Variants in GALNT2 observed in about 807,000 individuals in gnomAD.
The protein encoded by GALNT2 is polypeptide N-acetylgalactosaminyltransferase 2.
A neutral mutation model predicts 81.4 loss-of-function variants in GALNT2; 31 were observed. That is an observed-to-expected ratio of 0.38 (90% CI 0.29 to 0.51). The LOEUF (loss-of-function observed/expected upper bound fraction) is 0.51. GALNT2 is among the 20% of genes least tolerant of loss of function. The pLI, the probability that GALNT2 is intolerant of heterozygous loss-of-function variation, is 0.87. For synonymous variants in GALNT2, 303 were observed against 287.4 expected (o/e 1.05, Z -0.55); for missense variants, 629 against 765.7 (o/e 0.82, Z 2.11).
intron 1 of GALNT2, among the ~76,000 whole-genome samples, chr1:230,113,275 GGTGA>G (rs1321763103): frequency 2.0e-5 from 3 of 152,072 alleles, no homozygotes; most frequent in Admixed American, 2.0e-4. Flanking sequence ...GCTGAAAAAG[GGTGA>G]GTTTTGTTCT....
At chr1:230,252,096 C>T (rs775158157) in intron 10 of GALNT2, among the ~76,000 whole-genome samples, 2 of 152,168 alleles carry the variant, frequency 1.3e-5, no homozygotes, top group African/African-American at 2.4e-5. Flanking sequence ...ATGCCAAGGA[C>T]TTGGACTCCC....
chr1:230,145,004 A>G (rs569889861), intron 1 of GALNT2, among the ~76,000 whole-genome samples: 1 of 152,196 alleles, frequency 6.6e-6, no homozygotes, highest in Non-Finnish European at 1.5e-5. Context: ...GTAACCTACA[A>G]ACCAAGCAAG....
chr1:230,200,058 TTTTC>T (rs1277696519), intron 2 of GALNT2, among the ~76,000 whole-genome samples: 1 of 125,884 alleles, frequency 7.9e-6, no homozygotes, highest in African/African-American at 3.3e-5. Flanking sequence ...TAATTCTTTT[TTTTC>T]TTTTTTTTTT....
chr1:230,189,415 T>A (rs1378823252), intron 2 of GALNT2, among the ~76,000 whole-genome samples: 1 of 152,128 alleles, frequency 6.6e-6, no homozygotes, highest in South Asian at 2.1e-4. Context: ...ATGAATGAAA[T>A]GGGAATGATG....
rs566194270 is a variant in GALNT2, at chr1:230,279,822, G to A, written c.*364G>A. On this transcript the variant is annotated 3_prime_UTR_variant, in exon 16 of 16. Transcript: ENST00000366672. This position sits in a 1 kb window ranked among gnomAD's most constrained non-coding sequence, Gnocchi z 4.6. ...GATGCGTGCGAGCTGAGGACAGGGC[G>A]GGAGGAGGGGGCACACATGCCCCAG... is the stretch of plus-strand genomic sequence containing the variant. 3.6e-4 allele frequency: 172 copies of A among 480,230 alleles called. No individual in the cohort carries two copies. The highest frequency in any genetic ancestry group is 2.8e-3 in the African/African-American group (142 of 51,250). The allele number at this position is 480,230 out of a possible 1,614,324, so 29.7% of individuals were successfully genotyped here. A position where few individuals can be genotyped will look rare whatever the true frequency, so the allele number is the denominator to read the frequency against.
chr1:230,275,590 CATAT>C lies in GALNT2; in HGVS notation c.1560+1028_1560+1031del, dbSNP rs368845782. ...TACATATAAACACACCATATATATA[CATAT>C]AGATACATGCTACATTTATATAAAC... On this transcript the variant is annotated intron_variant, in intron 15 of 15. Coordinates refer to ENST00000366672, the MANE Select transcript of GALNT2 (RefSeq NM_004481.5). This position sits in a 1 kb window ranked among gnomAD's most constrained non-coding sequence, Gnocchi z 5.5. Among the ~76,000 whole-genome samples, 892 of 150,774 alleles carry C rather than the reference CATAT, an allele frequency of 5.9e-3. 16 individuals carry two copies. Among genetic ancestry groups the C allele is most frequent in the South Asian group, 0.043 (203 of 4,770 alleles).
At chr1:230,174,128 C>T (rs1389193076) in intron 1 of GALNT2, among the ~76,000 whole-genome samples, 2 of 152,194 alleles carry the variant, frequency 1.3e-5, no homozygotes, top group African/African-American at 4.8e-5. Context: ...GGCAGGGACC[C>T]GCTGTGCAAG....
Position 230,243,182 on chromosome 1 carries a change from G to A in GALNT2, c.608-124G>A. On this transcript the variant is annotated intron_variant, in intron 6 of 15. Transcript: ENST00000366672. The surrounding 1 kb of genome is among the most constrained non-coding windows in gnomAD (Gnocchi z 4.2). Reference sequence around the variant, plus strand: ...TTTGATCTCATCCAGCAAGTTTACAGTAATGTCCGTGCCCAGAAAGCAGGC... The same window carrying A: ...TTTGATCTCATCCAGCAAGTTTACAATAATGTCCGTGCCCAGAAAGCAGGC... 7.8e-7 allele frequency: 1 copy of A among 1,289,966 alleles called. No homozygotes were observed. The highest frequency in any genetic ancestry group is 1.0e-6 in the Non-Finnish European group (1 of 959,272). The allele number at this position is 1,289,966 out of a possible 1,614,324, so 79.9% of individuals were successfully genotyped here.
At position 230,236,416 on chromosome 1, in the gene GALNT2, T is replaced by C; in HGVS notation, c.537T>C (p.Asn179=). The part of the protein sequence containing the change: ...KEIILVDDYS[N]DPEDGALLGK... Reference sequence around the variant, plus strand: ...TCATCTTGGTGGATGACTACAGCAATGATCGTGAGTACTGACACTGATTTT... The same window carrying C: ...TCATCTTGGTGGATGACTACAGCAACGATCGTGAGTACTGACACTGATTTT... The change falls in exon 5 of 16, where the codon AAT becomes AAC. Residue 179 remains asparagine, a synonymous_variant. Coordinates refer to ENST00000366672, the MANE Select transcript of GALNT2 (RefSeq NM_004481.5). The C allele has an allele frequency of 6.2e-7, 1 of 1,613,926 alleles. No individual in the cohort carries two copies. The highest frequency in any genetic ancestry group is 1.1e-5 in the South Asian group (1 of 91,074).
intron 1 of GALNT2, among the ~76,000 whole-genome samples, chr1:230,176,661 G>A (rs1003326017): frequency 2.0e-5 from 3 of 152,180 alleles, no homozygotes; most frequent in Non-Finnish European, 2.9e-5. Flanking sequence ...TTCTCTCACC[G>A]TTGCCTATCT....
At chr1:230,115,566 C>T (rs1018430443) in intron 1 of GALNT2, among the ~76,000 whole-genome samples, 3 of 152,140 alleles carry the variant, frequency 2.0e-5, no homozygotes, top group Non-Finnish European at 2.9e-5. Flanking sequence ...TTTAGCAAGT[C>T]GAGTCATAGT....
intron 1 of GALNT2, among the ~76,000 whole-genome samples, chr1:230,125,475 G>A (rs569868530): frequency 6.6e-6 from 1 of 152,310 alleles, no homozygotes; most frequent in South Asian, 2.1e-4. Context: ...AGAGATGAAA[G>A]GTTTACTGCG....
chr1:230,148,956 T>C (rs4846907), intron 1 of GALNT2, among the ~76,000 whole-genome samples: 125,902 of 151,970 alleles, frequency 0.83, 52,276 homozygotes, highest in African/African-American at 0.88. Context: ...TCACAGCTCA[T>C]TGCAGCCTTG....
chr1:230,069,703 C>CAA (rs527378285), intron 1 of GALNT2, among the ~76,000 whole-genome samples: 91 of 149,548 alleles, frequency 6.1e-4, no homozygotes, highest in Middle Eastern at 3.4e-3. Context: ...ATTCTCATAC[C>CAA]AAAAAAAAAA....
intron 1 of GALNT2, among the ~76,000 whole-genome samples, chr1:230,069,885 C>G (rs777384465): frequency 6.6e-6 from 1 of 152,196 alleles, no homozygotes; most frequent in Non-Finnish European, 1.5e-5. Context: ...TAGCCAGTTT[C>G]TGCACATCCT....
intron 6 of GALNT2, among the ~76,000 whole-genome samples, chr1:230,242,050 T>A (rs560462519): frequency 6.4e-4 from 98 of 152,280 alleles, no homozygotes; most frequent in Admixed American, 1.1e-3. Context: ...CTCCTTCAGT[T>A]TCCAGATACC....
At position 230,271,425 on chromosome 1, in the gene GALNT2, C is replaced by A. The variant is rs1275090370; in HGVS notation, c.1441-3020C>A. On this transcript the variant is annotated intron_variant, in intron 14 of 15. Transcript: ENST00000366672. The surrounding 1 kb of genome is among the most constrained non-coding windows in gnomAD (Gnocchi z 4.2). ...CAAGCAATTCTCCAATTCTCCAATTCTCTGCGGACACTGAGTGTCATGCCT... is the reference window on the plus strand; with the variant it reads ...CAAGCAATTCTCCAATTCTCCAATTATCTGCGGACACTGAGTGTCATGCCT... Among the ~76,000 whole-genome samples the A allele has an allele frequency of 4.6e-5, 7 of 152,216 alleles. No individual in the cohort carries two copies. Among genetic ancestry groups the A allele is most frequent in the Non-Finnish European group, 1.0e-4 (7 of 68,044 alleles).
At chr1:230,129,085 G>A (rs528914708) in intron 1 of GALNT2, among the ~76,000 whole-genome samples, 4 of 152,292 alleles carry the variant, frequency 2.6e-5, no homozygotes, top group African/African-American at 7.2e-5. Context: ...GGTGTATTTC[G>A]GGCTCTCTCA....
intron 3 of GALNT2, among the ~76,000 whole-genome samples, chr1:230,204,788 A>C (rs561197653): frequency 9.5e-4 from 145 of 152,172 alleles, no homozygotes; most frequent in Non-Finnish European, 1.8e-3. Context: ...TCATCAGTGA[A>C]TGGAATATAG....
Sources: allele counts gnomAD v4.1 joint callset (sites outside exome capture counted in the v4.1 genomes callset), GRCh38; gene constraint gnomAD v4.1.1; non-coding constraint Gnocchi (gnomAD v3.1); transcripts MANE v1.5; gene names NCBI Gene and HGNC (gene_info 2026-07-23, HGNC 2026-07-21).